RBFOX3: variants seen among roughly 807,000 people sequenced by gnomAD.
RBFOX3 encodes the protein RNA binding fox-1 homolog 3.
Under a neutral mutation model 48.7 loss-of-function variants are expected in RBFOX3, and 17 were observed. The observed-to-expected ratio is 0.35, with a 90% CI of 0.24 to 0.52. The LOEUF (loss-of-function observed/expected upper bound fraction) is 0.52. Ranked by LOEUF, RBFOX3 falls within the 20% of genes least tolerant of loss-of-function variation. The probability of loss-of-function intolerance (pLI) is 0.94; values close to 1 mark genes in which losing one functional copy is unlikely to be tolerated. For missense variants in RBFOX3, 382 were observed against 497.5 expected, an observed-to-expected ratio of 0.77 and a Z score of 2.21; for synonymous variants, 212 against 209.5, an observed-to-expected ratio of 1.01 and a Z score of -0.10.
intron 4 of RBFOX3, among the ~76,000 whole-genome samples, chr17:79,143,855 G>A (rs1290735768): frequency 6.6e-6 from 1 of 152,232 alleles, no homozygotes; most frequent in Non-Finnish European, 1.5e-5. Context: ...CCGACCTGCA[G>A]TGCCTGGGCT....
At chr17:79,209,435 G>C (rs529125723) in intron 4 of RBFOX3, among the ~76,000 whole-genome samples, 1 of 152,344 alleles carries the variant, frequency 6.6e-6, no homozygotes, top group African/African-American at 2.4e-5. Flanking sequence ...CACACCCATT[G>C]AACCAAACGG....
the RBFOX3 span, among the ~76,000 whole-genome samples, chr17:79,658,618 C>T: frequency 1.3e-5 from 2 of 152,000 alleles, no homozygotes; most frequent in African/African-American, 4.8e-5. Context: ...GTGAAGCTGT[C>T]GCTTGTGCAG....
chr17:79,633,328 G>A, the RBFOX3 span, among the ~76,000 whole-genome samples: 9 of 152,366 alleles, frequency 5.9e-5, no homozygotes, highest in South Asian at 2.1e-4. Flanking sequence ...CAGTGCCAGC[G>A]GGCAAGGCCA....
rs1220166048 is a variant in RBFOX3 at position 79,525,929 on chromosome 17, G to A, written c.-319-43331C>T. 7.9e-5 allele frequency among the ~76,000 whole-genome samples: 12 copies of A among 152,352 alleles called. No homozygotes were observed. The East Asian group carries it at 1.9e-3, about 24-fold the overall frequency. On this transcript the variant is annotated intron_variant, in intron 1 of 14. Transcript: ENST00000693108. ...AGCCCGAGAAAAGTGGCTGGATTCAGTAGGACGAGCTGGCTGTGGAGACAA... is the reference window on the plus strand; with the variant it reads ...AGCCCGAGAAAAGTGGCTGGATTCAATAGGACGAGCTGGCTGTGGAGACAA...
rs1360001828 is a variant in RBFOX3, at chr17:79,299,722, T to C, written c.-74+8002A>G. On this transcript the variant is annotated intron_variant, in intron 3 of 14. Transcript: ENST00000693108. This position sits in a 1 kb window ranked among gnomAD's most constrained non-coding sequence, Gnocchi z 4.5. ...CTGAGTTAATTAGGGTGAGTCTTAA[T>C]CCAAAGTGACTGTTCTCCTGAAGAG... Among the ~76,000 whole-genome samples, 2 of 152,114 alleles carry C rather than the reference T, an allele frequency of 1.3e-5. No individual in the cohort carries two copies. Among genetic ancestry groups the C allele is most frequent in the Admixed American group, 1.3e-4 (2 of 15,278 alleles).
chr17:79,104,336 G>A (rs1008817138), intron 6 of RBFOX3, among the ~76,000 whole-genome samples: 1 of 152,214 alleles, frequency 6.6e-6, no homozygotes, highest in Non-Finnish European at 1.5e-5. Flanking sequence ...GGTGGGGATA[G>A]GGTGCCCAAG....
chr17:79,416,565 A>G (rs1242473474), intron 2 of RBFOX3, among the ~76,000 whole-genome samples: 4 of 152,242 alleles, frequency 2.6e-5, no homozygotes, highest in African/African-American at 9.6e-5. Flanking sequence ...GAGCGAAGAC[A>G]CTTGCTCTCC....
chr17:79,469,475 A>G (rs576872767), intron 2 of RBFOX3, among the ~76,000 whole-genome samples: 3,171 of 152,286 alleles, frequency 0.021, 54 homozygotes, highest in Non-Finnish European at 0.033. Context: ...TCCAGCCTGG[A>G]CAACTGCCCT....
chr17:79,266,842 G>A (rs7209495), intron 3 of RBFOX3, among the ~76,000 whole-genome samples: 8,812 of 152,128 alleles, frequency 0.058, 302 homozygotes, highest in Non-Finnish European at 0.069. Flanking sequence ...CGAACACGTG[G>A]GTGTGCCTGG....
At chr17:79,275,970 C>G (rs890472928) in intron 3 of RBFOX3, among the ~76,000 whole-genome samples, 35 of 152,188 alleles carry the variant, frequency 2.3e-4, no homozygotes, top group African/African-American at 8.4e-4. Flanking sequence ...GGGAAACAAC[C>G]CGAATGTCAT....
chr17:79,313,042 A>C (rs1222561839), intron 2 of RBFOX3, among the ~76,000 whole-genome samples: 1 of 152,210 alleles, frequency 6.6e-6, no homozygotes, highest in Non-Finnish European at 1.5e-5. Flanking sequence ...ATGCTGGCAG[A>C]GCTGGGACCC....
chr17:79,127,550 A>G (rs2037625304), intron 4 of RBFOX3, among the ~76,000 whole-genome samples: 1 of 152,220 alleles, frequency 6.6e-6, no homozygotes. Flanking sequence ...TAGGGAAAAT[A>G]AAAGATTATC....
chr17:79,541,418 A>T (rs1442910062), intron 1 of RBFOX3, among the ~76,000 whole-genome samples: 1 of 152,226 alleles, frequency 6.6e-6, no homozygotes, highest in Non-Finnish European at 1.5e-5. Flanking sequence ...ATGAGAAAAT[A>T]AAAATAAGAG....
At chr17:79,097,809 G>A in intron 9 of RBFOX3, 64 bp from the exon 10 acceptor site, 1 of 1,500,172 alleles carries the variant, frequency 6.7e-7, no homozygotes, top group Non-Finnish European at 9.1e-7. Context: ...CAAAACGTAT[G>A]CCTGGGAACC....
At chr17:79,346,472 T>A (rs1378384948) in intron 2 of RBFOX3, among the ~76,000 whole-genome samples, 1 of 152,232 alleles carries the variant, frequency 6.6e-6, no homozygotes. Context: ...TGGTTGATCC[T>A]TATGACAACA....
chr17:79,512,472 C>T (rs1334144688), intron 1 of RBFOX3, among the ~76,000 whole-genome samples: 52 of 141,998 alleles, frequency 3.7e-4, no homozygotes, highest in Non-Finnish European at 5.7e-4. Context: ...GATATACACC[C>T]GGATACATAT....
chr17:79,249,229 AG>A lies in RBFOX3; in HGVS notation c.-73-13425del, dbSNP rs1355245631. ...GGGGCGTCGAAAGCCAAGCGCGCTC[AG>A]GTCTTCAAAGCCACCGTTTGTGCTT... On this transcript the variant is annotated intron_variant, in intron 3 of 14. Coordinates refer to ENST00000693108, the MANE Select transcript of RBFOX3 (RefSeq NM_001350451.2). This position sits in a 1 kb window ranked among gnomAD's most constrained non-coding sequence, Gnocchi z 4.1. Among the ~76,000 whole-genome samples, 1 of 152,150 alleles carries A rather than the reference AG, an allele frequency of 6.6e-6. No homozygotes were observed. Among genetic ancestry groups the A allele is most frequent in the African/African-American group, 2.4e-5 (1 of 41,444 alleles).
intron 1 of RBFOX3, among the ~76,000 whole-genome samples, chr17:79,557,260 G>GGAAA (rs1240630450): frequency 1.2e-4 from 17 of 147,636 alleles, no homozygotes; most frequent in African/African-American, 4.3e-4. Context: ...GGAAAGGAAA[G>GGAAA]GAAAGAAATT....
chr17:79,211,508 G>A (rs1024634415), intron 4 of RBFOX3, among the ~76,000 whole-genome samples: 1 of 152,238 alleles, frequency 6.6e-6, no homozygotes, highest in East Asian at 1.9e-4. Context: ...TGCTGGGACT[G>A]GCTCCAGGTG....
Sources: gnomAD v4.1 joint callset for allele counts (sites outside exome capture counted in the v4.1 genomes callset) on GRCh38, gnomAD v4.1.1 for gene constraint, Gnocchi (gnomAD v3.1) non-coding constraint, MANE v1.5 for transcripts, NCBI Gene and HGNC (gene_info 2026-07-23, HGNC 2026-07-21) for gene names.